Variants in MTCL2 observed in about 807,000 individuals in gnomAD.
MTCL2 encodes microtubule cross-linking factor 2.
At chr20:36,792,827 T>C in the MTCL2 span, among the ~76,000 whole-genome samples, 1 of 148,090 alleles carries the variant, frequency 6.8e-6, no homozygotes, top group African/African-American at 2.5e-5. Context: ...ATTTTATATA[T>C]ATAGATATAT....
At chr20:36,799,494 A>AATAT in the MTCL2 span, among the ~76,000 whole-genome samples, 1 of 147,008 alleles carries the variant, frequency 6.8e-6, no homozygotes, top group African/African-American at 2.6e-5. Context: ...CTCCATCTCA[A>AATAT]AAATAAATAA....
At chr20:36,803,901 G>C in the MTCL2 span, among the ~76,000 whole-genome samples, 5 of 133,842 alleles carry the variant, frequency 3.7e-5, no homozygotes, top group Admixed American at 8.5e-5. Flanking sequence ...AGGTTGCAGT[G>C]ATCCAAGATT....
chr20:36,859,078 A>G, the MTCL2 span, among the ~76,000 whole-genome samples: 1 of 152,378 alleles, frequency 6.6e-6, no homozygotes, highest in South Asian at 2.1e-4. Context: ...GGCGTGAGTC[A>G]CTGCGCCAGG....
the MTCL2 span, chr20:36,862,887 C>T: frequency 1.7e-5 from 21 of 1,242,696 alleles, no homozygotes; most frequent in African/African-American, 3.2e-5. Flanking sequence ...CGTACGGACC[C>T]CCGCCGGGCC....
chr20:36,827,302 C>A, the MTCL2 span, among the ~76,000 whole-genome samples: 1 of 151,656 alleles, frequency 6.6e-6, no homozygotes, highest in East Asian at 1.9e-4. Flanking sequence ...ATCCACCCAC[C>A]TCAGCCTCCC....
At chr20:36,815,238 A>G in the MTCL2 span, 1 of 1,614,002 alleles carries the variant, frequency 6.2e-7, no homozygotes, top group Non-Finnish European at 8.5e-7. This position sits in a 1 kb window ranked among gnomAD's most constrained non-coding sequence, Gnocchi z 5.3. Context: ...AGAGCACCCG[A>G]GGACTGCATC....
the MTCL2 span, among the ~76,000 whole-genome samples, chr20:36,795,181 C>T: frequency 6.5e-3 from 982 of 152,072 alleles, 12 homozygotes; most frequent in African/African-American, 0.022. Flanking sequence ...TCAGGTGATC[C>T]ACCCGCCTCA....
At chr20:36,828,358 C>T in the MTCL2 span, among the ~76,000 whole-genome samples, 1 of 152,184 alleles carries the variant, frequency 6.6e-6, no homozygotes, top group Non-Finnish European at 1.5e-5. Context: ...TTTGCTCATC[C>T]ACAAAATGGG....
At chr20:36,795,775 C>CA in the MTCL2 span, among the ~76,000 whole-genome samples, 383 of 139,916 alleles carry the variant, frequency 2.7e-3, 4 homozygotes, top group Middle Eastern at 7.2e-3. Flanking sequence ...AACTCTGCCT[C>CA]AAAAAAAAAA....
At chr20:36,823,109 T>C in the MTCL2 span, among the ~76,000 whole-genome samples, 1 of 152,170 alleles carries the variant, frequency 6.6e-6, no homozygotes, top group South Asian at 2.1e-4. Context: ...CTCAAAGATT[T>C]AGGCATTCAT....
At chr20:36,847,225 C>T in the MTCL2 span, among the ~76,000 whole-genome samples, 1 of 152,202 alleles carries the variant, frequency 6.6e-6, no homozygotes, top group Non-Finnish European at 1.5e-5. Flanking sequence ...CCAAACAAGC[C>T]ACGTGGCCCT....
At chr20:36,797,491 G>A in the MTCL2 span, 10 of 1,552,816 alleles carry the variant, frequency 6.4e-6, no homozygotes, top group Admixed American at 3.9e-5. Flanking sequence ...GGCAGCAGCC[G>A]CCCCACTCAC....
At chr20:36,789,220 C>T in the MTCL2 span, among the ~76,000 whole-genome samples, 1 of 152,156 alleles carries the variant, frequency 6.6e-6, no homozygotes, top group South Asian at 2.1e-4. Context: ...ATCCAGCCAG[C>T]TTTGTGCTGT....
the MTCL2 span, among the ~76,000 whole-genome samples, chr20:36,816,737 GA>G: frequency 6.6e-6 from 1 of 152,156 alleles, no homozygotes; most frequent in Non-Finnish European, 1.5e-5. Context: ...GAACCCCCAA[GA>G]CAGGGATAGA....
the MTCL2 span, chr20:36,783,994 A>G: frequency 1.0e-6 from 1 of 985,694 alleles, no homozygotes; most frequent in Non-Finnish European, 1.2e-6. Context: ...GGCTTTACTG[A>G]AAACCAAGGT....
chr20:36,842,247 A>C, the MTCL2 span, among the ~76,000 whole-genome samples: 1 of 152,238 alleles, frequency 6.6e-6, no homozygotes. Flanking sequence ...GCCTCCCAAC[A>C]AATATTAACT....
At chr20:36,817,031 C>A in the MTCL2 span, among the ~76,000 whole-genome samples, 1 of 151,834 alleles carries the variant, frequency 6.6e-6, no homozygotes, top group Non-Finnish European at 1.5e-5. Context: ...CTTTGGGAGG[C>A]CGAGGCAGGT....
At chr20:36,841,843 C>G in the MTCL2 span, among the ~76,000 whole-genome samples, 3 of 150,324 alleles carry the variant, frequency 2.0e-5, no homozygotes, top group South Asian at 2.1e-4. Flanking sequence ...GGACCAAAGA[C>G]ACACAACCCC....
At chr20:36,819,074 A>G in the MTCL2 span, among the ~76,000 whole-genome samples, 6 of 152,378 alleles carry the variant, frequency 3.9e-5, no homozygotes, top group East Asian at 1.2e-3. Context: ...ATAGAGAAAC[A>G]AAAAGGTTCA....
Sources: allele counts gnomAD v4.1 joint callset (sites outside exome capture counted in the v4.1 genomes callset), GRCh38; gene constraint gnomAD v4.1.1; non-coding constraint Gnocchi (gnomAD v3.1); transcripts MANE v1.5; gene names NCBI Gene and HGNC (gene_info 2026-07-23, HGNC 2026-07-21).